Variants in CNTNAP2 observed in about 807,000 individuals in gnomAD.
CNTNAP2 encodes the protein contactin associated protein 2.
A neutral mutation model predicts 155.2 loss-of-function variants in CNTNAP2; 98 were observed. That is an observed-to-expected ratio of 0.63 (90% confidence interval 0.54 to 0.75). CNTNAP2 has a LOEUF of 0.75. CNTNAP2 is among the 30% of genes least tolerant of loss of function. The pLI, the probability that CNTNAP2 is intolerant of heterozygous loss-of-function variation, is 0.00. For synonymous variants in CNTNAP2, 651 were observed against 631.2 expected, an observed-to-expected ratio of 1.03 and a Z score of -0.47; for missense variants, 1,727 against 1,688.1, an observed-to-expected ratio of 1.02 and a Z score of -0.40.
intron 1 of CNTNAP2, among the ~76,000 whole-genome samples, chr7:146,739,118 T>C (rs1260931655): frequency 6.6e-6 from 1 of 151,954 alleles, no homozygotes; most frequent in Non-Finnish European, 1.5e-5. Context: ...ATCACTTTTC[T>C]AGTCTCTATT....
intron 1 of CNTNAP2, among the ~76,000 whole-genome samples, chr7:146,238,642 A>G (rs978130538): frequency 3.9e-5 from 6 of 152,200 alleles, no homozygotes; most frequent in African/African-American, 1.4e-4. Flanking sequence ...GCATAAGAAG[A>G]AACACGAGAG....
intron 11 of CNTNAP2, among the ~76,000 whole-genome samples, chr7:147,526,524 G>C (rs1439006212): frequency 6.6e-6 from 1 of 152,148 alleles, no homozygotes; most frequent in Non-Finnish European, 1.5e-5. Flanking sequence ...CAATCAACTT[G>C]AGCACTCTAA....
At chr7:147,822,990 T>C (rs987860853) in intron 13 of CNTNAP2, among the ~76,000 whole-genome samples, 1 of 152,246 alleles carries the variant, frequency 6.6e-6, no homozygotes, top group African/African-American at 2.4e-5. Flanking sequence ...CAGTAGGTAC[T>C]ACCTTCTTGA....
At chr7:146,811,207 G>A (rs1189275059) in intron 2 of CNTNAP2, among the ~76,000 whole-genome samples, 1 of 152,138 alleles carries the variant, frequency 6.6e-6, no homozygotes, top group East Asian at 1.9e-4. Flanking sequence ...AGAAGAATTG[G>A]TGTTAATTGT....
intron 15 of CNTNAP2, chr7:148,044,636 A>G (rs1412656431): frequency 6.6e-6 from 1 of 152,230 alleles, no homozygotes; most frequent in Non-Finnish European, 1.5e-5. Context: ...TATGAAGCAG[A>G]GAGTCGGCCC....
At chr7:147,739,725 T>C (rs1796923950) in intron 13 of CNTNAP2, among the ~76,000 whole-genome samples, 1 of 152,072 alleles carries the variant, frequency 6.6e-6, no homozygotes, top group Admixed American at 6.6e-5. Flanking sequence ...CATCATACAG[T>C]AAAAGTCTAT....
chr7:146,392,919 T>G (rs1563067103), intron 1 of CNTNAP2, among the ~76,000 whole-genome samples: 1 of 152,052 alleles, frequency 6.6e-6, no homozygotes, highest in African/African-American at 2.4e-5. Context: ...CACTCAGAGT[T>G]TTGCAAAATA....
At chr7:146,878,383 A>AT (rs1372577008) in intron 3 of CNTNAP2, among the ~76,000 whole-genome samples, 2 of 147,378 alleles carry the variant, frequency 1.4e-5, no homozygotes, top group Admixed American at 6.7e-5. Context: ...ACTTAGGAAT[A>AT]TTTTTTTACA....
intron 1 of CNTNAP2, among the ~76,000 whole-genome samples, chr7:146,593,037 T>A (rs1371326505): frequency 1.3e-5 from 2 of 151,958 alleles, no homozygotes; most frequent in Admixed American, 1.3e-4. Context: ...GTCAGGTACA[T>A]CTCTCATAAA....
intron 1 of CNTNAP2, among the ~76,000 whole-genome samples, chr7:146,689,863 A>G (rs1443481092): frequency 1.3e-5 from 2 of 152,112 alleles, no homozygotes; most frequent in Non-Finnish European, 2.9e-5. Flanking sequence ...TTTGTAAAAG[A>G]GAGCAAACAG....
chr7:148,415,903 C>G lies in CNTNAP2; in HGVS notation c.*287C>G, dbSNP rs1257513345. On this transcript the variant is annotated 3_prime_UTR_variant, in exon 24 of 24. Coordinates refer to ENST00000361727, the MANE Select transcript of CNTNAP2 (RefSeq NM_014141.6). ...GTTGAAATTTGTAGGTACTATCTGT[C>G]TTATTTTGTGTGTGTTTAGAGGTGT... The G allele has an allele frequency of 3.8e-6, 2 of 520,050 alleles. No individual in the cohort carries two copies. Among genetic ancestry groups the G allele is most frequent in the East Asian group, 6.7e-5 (2 of 29,940 alleles). The allele number at this position is 520,050 out of a possible 1,614,324, so 32.2% of individuals were successfully genotyped here.
At chr7:146,820,660 G>A (rs1433036198) in intron 2 of CNTNAP2, among the ~76,000 whole-genome samples, 1 of 152,126 alleles carries the variant, frequency 6.6e-6, no homozygotes, top group Non-Finnish European at 1.5e-5. Context: ...GGGGTGGAGA[G>A]TTCTGTAGAT....
rs927080886 is a variant in CNTNAP2, at chr7:146,587,263, A to G, written c.98-187008A>G. On this transcript the variant is annotated intron_variant, in intron 1 of 23. Transcript: ENST00000361727. ...CACCTATTATAATATATGGCCATTA[A>G]TTATTAGCTGTACATATTTTCTACT... 1.2e-4 allele frequency among the ~76,000 whole-genome samples: 19 copies of G among 152,080 alleles called. 1 individual carries two copies. The highest frequency in any genetic ancestry group is 1.2e-3 in the Admixed American group (19 of 15,262).
chr7:146,558,225 A>T (rs1798225224), intron 1 of CNTNAP2, among the ~76,000 whole-genome samples: 1 of 152,084 alleles, frequency 6.6e-6, no homozygotes, highest in Non-Finnish European at 1.5e-5. Context: ...AGGTGCTGGG[A>T]CATGTTGTGC....
intron 12 of CNTNAP2, among the ~76,000 whole-genome samples, chr7:147,597,959 G>A (rs1800857717): frequency 6.6e-6 from 1 of 152,170 alleles, no homozygotes; most frequent in Admixed American, 6.5e-5. Flanking sequence ...TCCTGGCATT[G>A]CCAGCAGCAA....
At chr7:148,081,408 T>G (rs577483851) in intron 15 of CNTNAP2, among the ~76,000 whole-genome samples, 2 of 152,072 alleles carry the variant, frequency 1.3e-5, no homozygotes, top group Non-Finnish European at 2.9e-5. Context: ...TTAATCTGGG[T>G]GGGCACCATC....
At chr7:147,609,600 A>G (rs1801143979) in intron 12 of CNTNAP2, among the ~76,000 whole-genome samples, 1 of 152,076 alleles carries the variant, frequency 6.6e-6, no homozygotes, top group Admixed American at 6.6e-5. Flanking sequence ...ATCACAAAGG[A>G]GGAAATTGTT....
intron 21 of CNTNAP2, among the ~76,000 whole-genome samples, chr7:148,320,887 A>G (rs1176099524): frequency 6.6e-6 from 1 of 152,206 alleles, no homozygotes; most frequent in African/African-American, 2.4e-5. Flanking sequence ...TGCATTATAA[A>G]CTATTCCTGA....
chr7:148,239,305 A>G (rs1264044021), intron 20 of CNTNAP2, among the ~76,000 whole-genome samples: 4 of 152,222 alleles, frequency 2.6e-5, no homozygotes. Flanking sequence ...TGAACGACTG[A>G]CATGTATAAT....
Sources: gnomAD v4.1 joint callset for allele counts (sites outside exome capture counted in the v4.1 genomes callset) on GRCh38, gnomAD v4.1.1 for gene constraint, MANE v1.5 for transcripts, NCBI Gene and HGNC (gene_info 2026-07-23, HGNC 2026-07-21) for gene names.